Variants in MRPS27 observed in about 807,000 individuals in gnomAD.
MRPS27 encodes small ribosomal subunit protein mS27.
In MRPS27, 43 loss-of-function variants were observed where a neutral mutation model predicts 48.9. That is an observed-to-expected ratio of 0.88 (90% CI 0.69 to 1.13). The LOEUF is 1.13. Ranked by LOEUF, MRPS27 falls within the 50% of genes most tolerant of loss-of-function variation. MRPS27 has a pLI of 0.00. For missense variants in MRPS27, 467 were observed against 476.3 expected (o/e 0.98, Z 0.18); for synonymous variants, 188 against 171.9 (o/e 1.09, Z -0.73).
chr5:72,232,350 C>T (rs1198185601), intron 7 of MRPS27, 93 bp downstream of exon 7: 1 of 806,342 alleles, frequency 1.2e-6, no homozygotes, highest in East Asian at 2.9e-5. Context: ...TGCCTGGCCA[C>T]AGAGCTGCAG....
intron 2 of MRPS27, among the ~76,000 whole-genome samples, chr5:72,304,711 A>T (rs971527018): frequency 2.0e-5 from 3 of 152,236 alleles, no homozygotes; most frequent in Non-Finnish European, 2.9e-5. Context: ...CCTCTTAAAA[A>T]AGAGTGTGGT....
intron 4 of MRPS27, among the ~76,000 whole-genome samples, chr5:72,243,177 C>T (rs913174770): frequency 2.6e-5 from 4 of 152,144 alleles, no homozygotes; most frequent in Non-Finnish European, 1.5e-5. Context: ...ATATGGCTGG[C>T]TTCAAAGCCT....
chr5:72,292,565 A>G (rs1488704741), intron 4 of MRPS27, among the ~76,000 whole-genome samples: 1 of 152,200 alleles, frequency 6.6e-6, no homozygotes, highest in Non-Finnish European at 1.5e-5. Flanking sequence ...GCTGGCAGGT[A>G]CCAGCAGCAC....
At chr5:72,278,475 G>A (rs1359944163) in intron 4 of MRPS27, among the ~76,000 whole-genome samples, 1 of 150,476 alleles carries the variant, frequency 6.6e-6, no homozygotes, top group Non-Finnish European at 1.5e-5. Context: ...TTTAAAGTCT[G>A]TCATACTTGA....
At chr5:72,285,477 G>A (rs12186599) in intron 4 of MRPS27, among the ~76,000 whole-genome samples, 6,452 of 152,106 alleles carry the variant, frequency 0.042, 175 homozygotes, top group African/African-American at 0.081. Flanking sequence ...ATTGTTTCAC[G>A]TATCTAATGA....
At position 72,266,485 on chromosome 5, in the gene MRPS27, C is replaced by T. The variant is rs146415552; in HGVS notation, c.282-28357G>A. ...TGCTTTTTCATGCTCTACGTATCTA[C>T]TGGCTGCTGGCCCAGTTCCTAGCTA... On this transcript the variant is annotated intron_variant, in intron 4 of 10. Transcript: ENST00000261413. Among the ~76,000 whole-genome samples the T allele has an allele frequency of 4.2e-3, 634 of 152,344 alleles. 4 individuals are homozygous for T. The highest frequency in any genetic ancestry group is 0.01 in the Admixed American group (156 of 15,306).
At chr5:72,263,616 GAAGATA>G (rs1325227050) in intron 4 of MRPS27, among the ~76,000 whole-genome samples, 1 of 150,990 alleles carries the variant, frequency 6.6e-6, no homozygotes, top group South Asian at 2.1e-4. Flanking sequence ...TTTCTCCAAA[GAAGATA>G]AACAACTGGC....
At position 72,274,759 on chromosome 5, in the gene MRPS27, G is replaced by A. The variant is rs576943873; in HGVS notation, c.281+20772C>T. Among the ~76,000 whole-genome samples, 15 of 152,288 alleles carry A rather than the reference G, an allele frequency of 9.8e-5. 1 individual carries two copies. The highest frequency in any genetic ancestry group is 8.3e-4 in the South Asian group (4 of 4,828). On this transcript the variant is annotated intron_variant, in intron 4 of 10. Transcript: ENST00000261413. ...CATGAGCATCACCACAAACACACAA[G>A]TAATGCAGTTTGCTACGATGTTATA...
chr5:72,259,441 C>T lies in MRPS27; in HGVS notation c.282-21313G>A, dbSNP rs941184650. On this transcript the variant is annotated intron_variant, in intron 4 of 10. Coordinates refer to ENST00000261413, the MANE Select transcript of MRPS27 (RefSeq NM_015084.3). ...CAAGATCATGCCACTACACTCCAGC[C>T]TGGGCAACAAAAGTGAAACTTCGTC... 1.2e-4 allele frequency among the ~76,000 whole-genome samples: 18 copies of T among 147,438 alleles called. No individual in the cohort carries two copies. In the South Asian group the frequency reaches 2.2e-3, roughly 18 times the overall value.
chr5:72,291,961 C>T (rs1749831339), intron 4 of MRPS27, among the ~76,000 whole-genome samples: 1 of 152,274 alleles, frequency 6.6e-6, no homozygotes, highest in African/African-American at 2.4e-5. Context: ...CAAGAGCACA[C>T]CTATGCCTAT....
chr5:72,258,235 C>G (rs909943310), intron 4 of MRPS27, among the ~76,000 whole-genome samples: 23 of 152,182 alleles, frequency 1.5e-4, no homozygotes, highest in African/African-American at 4.6e-4. Context: ...GGAAAACCCA[C>G]ACATATAGGA....
chr5:72,243,044 A>G (rs1371262332), intron 4 of MRPS27, among the ~76,000 whole-genome samples: 1 of 152,172 alleles, frequency 6.6e-6, no homozygotes, highest in Non-Finnish European at 1.5e-5. Context: ...CCTCCGCCCC[A>G]GTGAATTCTG....
chr5:72,270,540 T>A (rs1377621731), intron 4 of MRPS27, among the ~76,000 whole-genome samples: 1 of 152,100 alleles, frequency 6.6e-6, no homozygotes, highest in Non-Finnish European at 1.5e-5. Context: ...TAATTTAACA[T>A]CTTCTTAAGA....
chr5:72,308,505 T>TGCGCGCGCACGCTACCCGACAG (rs1750344349), intron 2 of MRPS27, among the ~76,000 whole-genome samples: 1 of 152,184 alleles, frequency 6.6e-6, no homozygotes, highest in African/African-American at 2.4e-5. Context: ...GGCGCGGCCC[T>TGCGCGCGCACGCTACCCGACAG]GCGCGCGCAC....
chr5:72,242,852 C>T (rs1748398780), intron 4 of MRPS27, among the ~76,000 whole-genome samples: 1 of 152,198 alleles, frequency 6.6e-6, no homozygotes, highest in Non-Finnish European at 1.5e-5. Flanking sequence ...TTCGGTCTCA[C>T]AAATAAAAAT....
intron 4 of MRPS27, among the ~76,000 whole-genome samples, chr5:72,240,548 A>G (rs1580061976): frequency 6.6e-6 from 1 of 152,308 alleles, no homozygotes; most frequent in South Asian, 2.1e-4. Flanking sequence ...TCCAATGGCC[A>G]CTAAAGTTGT....
chr5:72,245,806 G>A (rs1218767474), intron 4 of MRPS27, among the ~76,000 whole-genome samples: 1 of 152,158 alleles, frequency 6.6e-6, no homozygotes, highest in African/African-American at 2.4e-5. Context: ...GATTTCTTTA[G>A]GGGTATTTCT....
At chr5:72,295,926 C>T (rs1029613591) in intron 3 of MRPS27, among the ~76,000 whole-genome samples, 1 of 152,074 alleles carries the variant, frequency 6.6e-6, no homozygotes, top group East Asian at 1.9e-4. Context: ...ATCTTTAAAC[C>T]CTGATATTAT....
rs76647731 is a variant in MRPS27, at chr5:72,300,410, C to T, written c.152-2708G>A. Among the ~76,000 whole-genome samples, 175 of 152,304 alleles carry T rather than the reference C, an allele frequency of 1.1e-3. 1 individual carries two copies. Among genetic ancestry groups the T allele is most frequent in the African/African-American group, 3.7e-3 (152 of 41,578 alleles). ...TTAACCATTACCTACAGATGGTTGG[C>T]TCCACATGTACATACCTACCCTGTC... On this transcript the variant is annotated intron_variant, in intron 2 of 10. Transcript: ENST00000261413.
Sources: gnomAD v4.1 joint callset for allele counts (sites outside exome capture counted in the v4.1 genomes callset) on GRCh38, gnomAD v4.1.1 for gene constraint, MANE v1.5 for transcripts, NCBI Gene and HGNC (gene_info 2026-07-23, HGNC 2026-07-21) for gene names.